The following PXK variants were observed in gnomAD, a reference collection of about 807,000 sequenced individuals.
PXK encodes the protein PX domain-containing protein kinase-like protein.
A neutral mutation model predicts 84.7 loss-of-function variants in PXK; 35 were observed. That is an observed-to-expected ratio of 0.41 (90% CI 0.32 to 0.55). The LOEUF is 0.55. Ranked by LOEUF, PXK falls within the 20% of genes least tolerant of loss-of-function variation. PXK has a pLI of 0.21. For missense variants in PXK, 634 were observed against 699.7 expected (o/e 0.91, Z 1.06); for synonymous variants, 253 against 260.8 (o/e 0.97, Z 0.29).
At chr3:58,338,349 G>A (rs1030383443) in intron 1 of PXK, among the ~76,000 whole-genome samples, 2 of 151,572 alleles carry the variant, frequency 1.3e-5, no homozygotes, top group Non-Finnish European at 2.9e-5. Context: ...TAGGCCAGGC[G>A]CGGTGGCTCA....
chr3:58,345,732 T>C (rs116431665), intron 1 of PXK, among the ~76,000 whole-genome samples: 2,740 of 152,298 alleles, frequency 0.018, 82 homozygotes, highest in African/African-American at 0.062. Flanking sequence ...TGTGTGCCCA[T>C]TTGGAAGCTC....
intron 17 of PXK, among the ~76,000 whole-genome samples, chr3:58,417,198 C>T (rs2107706187): frequency 6.6e-6 from 1 of 152,336 alleles, no homozygotes; most frequent in Non-Finnish European, 1.5e-5. Context: ...AGCCACAGCA[C>T]CTGGCCTCAC....
At chr3:58,422,841 A>C in intron 17 of PXK, 1 of 985,390 alleles carries the variant, frequency 1.0e-6, no homozygotes, top group Non-Finnish European at 1.2e-6. Context: ...TAGAACTCCC[A>C]AGTACCGCCG....
rs77360141 is a variant in PXK at position 58,409,081 on chromosome 3, G to A, written c.1308+80G>A. On this transcript the variant is annotated intron_variant, in intron 14 of 17. Transcript: ENST00000356151. This position sits in a 1 kb window ranked among gnomAD's most constrained non-coding sequence, Gnocchi z 4.2. ...TTTTTATAGTGATTGACCTTTGACT[G>A]TTCCCTCTGCAAATATTTTAAGCAT... The A allele has an allele frequency of 1.3e-3, 1,322 of 1,042,780 alleles. 31 individuals are homozygous for A. The East Asian group carries it at 0.031, about 24-fold the overall frequency. The allele number at this position is 1,042,780 out of a possible 1,614,324, so 64.6% of individuals were successfully genotyped here.
In PXK at chr3:58,412,315, G is replaced by A. The variant is rs2060321494; in HGVS notation, c.1466-586G>A. Among the ~76,000 whole-genome samples, 1 of 152,074 alleles carries A rather than the reference G, an allele frequency of 6.6e-6. No homozygotes were observed. Among genetic ancestry groups the A allele is most frequent in the African/African-American group, 2.4e-5 (1 of 41,394 alleles). On this transcript the variant is annotated intron_variant, in intron 16 of 17. Transcript: ENST00000356151. This position sits in a 1 kb window ranked among gnomAD's most constrained non-coding sequence, Gnocchi z 6.2. ...AGGTTACTAGATCCAGAAAAAGCAT[G>A]CAACAGGTGGGATTCACATTGTTTT... is the stretch of plus-strand genomic sequence containing the variant.
intron 1 of PXK, among the ~76,000 whole-genome samples, chr3:58,365,560 A>C (rs959307615): frequency 6.6e-6 from 1 of 152,174 alleles, no homozygotes; most frequent in African/African-American, 2.4e-5. Context: ...TTGTTCTGTC[A>C]ATTCCTGACA....
chr3:58,421,156 G>GT lies in PXK; in HGVS notation c.1529-3595dup, dbSNP rs1429297177. ...TTCGGTTCTCTCCTGAGGGTGGCTG[G>GT]TAAGTCTGGTGTTACCCTAGTGTGG... On this transcript the variant is annotated intron_variant, in intron 17 of 17. Transcript: ENST00000356151. This position sits in a 1 kb window ranked among gnomAD's most constrained non-coding sequence, Gnocchi z 5.5. The GT allele has an allele frequency of 2.0e-6, 2 of 985,282 alleles. No individual in the cohort carries two copies. 61.0% of individuals were successfully genotyped at this position (985,282 alleles called of 1,614,324 possible). A position where few individuals can be genotyped will look rare whatever the true frequency, so the allele number is the denominator to read the frequency against.
chr3:58,338,556 A>G (rs115288459), intron 1 of PXK, among the ~76,000 whole-genome samples: 19,110 of 151,642 alleles, frequency 0.13, 1,661 homozygotes, highest in African/African-American at 0.23. Flanking sequence ...CTGTGAGGTG[A>G]CGGTTGCAGT....
At chr3:58,356,307 G>T (rs1212120524) in intron 1 of PXK, among the ~76,000 whole-genome samples, 1 of 152,184 alleles carries the variant, frequency 6.6e-6, no homozygotes, top group Non-Finnish European at 1.5e-5. Flanking sequence ...GCAGGGTTTG[G>T]TGGCAGGCTG....
At chr3:58,354,298 C>A (rs1459469350) in intron 1 of PXK, among the ~76,000 whole-genome samples, 13 of 152,050 alleles carry the variant, frequency 8.5e-5, no homozygotes. Flanking sequence ...ACCGTACCCC[C>A]AAAAAGACAG....
chr3:58,336,071 A>ATATATATTTTT (rs1284780630), intron 1 of PXK, among the ~76,000 whole-genome samples: 1 of 51,584 alleles, frequency 1.9e-5, no homozygotes, highest in Non-Finnish European at 3.3e-5. Context: ...ATATATATAT[A>ATATATATTTTT]TTTTTTTTTT....
intron 16 of PXK, among the ~76,000 whole-genome samples, chr3:58,410,820 T>G (rs1452335038): frequency 6.6e-6 from 1 of 152,210 alleles, no homozygotes; most frequent in Admixed American, 6.5e-5. Context: ...TTCACCCTAG[T>G]TACCAAGCAG....
rs2057951033 is a variant in PXK at position 58,397,841 on chromosome 3, T to G, written c.1102+119T>G. 5.3e-6 allele frequency: 4 copies of G among 751,880 alleles called. No homozygotes were observed. Among genetic ancestry groups the G allele is most frequent in the Non-Finnish European group, 8.5e-6 (4 of 468,372 alleles). The allele number at this position is 751,880 out of a possible 1,614,324, so 46.6% of individuals were successfully genotyped here. ...TGCTGTCCTCCACAGCCAGAAATTCTTACAAAATTTAAAAGTAGACCAAAT... is the reference window on the plus strand; with the variant it reads ...TGCTGTCCTCCACAGCCAGAAATTCGTACAAAATTTAAAAGTAGACCAAAT... On this transcript the variant is annotated intron_variant, in intron 11 of 17. Transcript: ENST00000356151. The surrounding 1 kb of genome is among the most constrained non-coding windows in gnomAD (Gnocchi z 4.7).
At chr3:58,336,781 T>G (rs1210818027) in intron 1 of PXK, among the ~76,000 whole-genome samples, 1 of 152,146 alleles carries the variant, frequency 6.6e-6, no homozygotes, top group East Asian at 1.9e-4. Context: ...GTGGGTAGGC[T>G]GTGTGTGATA....
At position 58,378,293 on chromosome 3, in the gene PXK, A is replaced by G. The variant is rs569676675; in HGVS notation, c.202-4221A>G. Reference sequence around the variant, plus strand: ...GGAAAGAGCTAAAGGTTTGTCCAGTAAAACAGCTGCATAGGGTCATCTGGT... The same window carrying G: ...GGAAAGAGCTAAAGGTTTGTCCAGTGAAACAGCTGCATAGGGTCATCTGGT... On this transcript the variant is annotated intron_variant, in intron 3 of 17. Coordinates refer to ENST00000356151, the MANE Select transcript of PXK (RefSeq NM_017771.5). 3.3e-5 allele frequency among the ~76,000 whole-genome samples: 5 copies of G among 152,162 alleles called. No individual in the cohort carries two copies. The South Asian group carries it at 1.0e-3, about 32-fold the overall frequency.
chr3:58,393,654 A>G (rs1485485540), intron 7 of PXK, among the ~76,000 whole-genome samples: 2 of 152,216 alleles, frequency 1.3e-5, no homozygotes, highest in Non-Finnish European at 2.9e-5. Flanking sequence ...AAAAAAGAAA[A>G]AAGCCATAAT....
intron 1 of PXK, among the ~76,000 whole-genome samples, chr3:58,346,745 C>T (rs1400951743): frequency 2.0e-5 from 3 of 151,558 alleles, no homozygotes; most frequent in Non-Finnish European, 1.5e-5. Context: ...GTAGCCTCAA[C>T]CTTCTGGGCT....
intron 17 of PXK, chr3:58,420,780 T>A: frequency 5.8e-6 from 8 of 1,370,336 alleles, no homozygotes; most frequent in Non-Finnish European, 7.5e-6. Flanking sequence ...ATCATGACCT[T>A]CAAAATCTTC....
Position 58,397,303 on chromosome 3 carries a change from T to G in PXK, c.984+103T>G, listed in dbSNP as rs1259119956. ...ATGCACCAAGTAGTGAAAGGTATAG[T>G]TGGGACAGGCCTTGCCCGTCAGCCC... On this transcript the variant is annotated intron_variant, in intron 10 of 17. Transcript: ENST00000356151. The surrounding 1 kb of genome is among the most constrained non-coding windows in gnomAD (Gnocchi z 4.7). 2 of 1,372,920 alleles carry G rather than the reference T, an allele frequency of 1.5e-6. No homozygotes were observed. Among genetic ancestry groups the G allele is most frequent in the Non-Finnish European group, 2.0e-6 (2 of 986,830 alleles). The allele number at this position is 1,372,920 out of a possible 1,614,324, so 85.0% of individuals were successfully genotyped here.
Sources: allele counts gnomAD v4.1 joint callset (sites outside exome capture counted in the v4.1 genomes callset), GRCh38; gene constraint gnomAD v4.1.1; non-coding constraint Gnocchi (gnomAD v3.1); transcripts MANE v1.5; gene names NCBI Gene and HGNC (gene_info 2026-07-23, HGNC 2026-07-21).